Variants in VPS13B observed in about 807,000 individuals in gnomAD.
VPS13B encodes the protein intermembrane lipid transfer protein VPS13B.
Under a neutral mutation model 426.4 loss-of-function variants are expected in VPS13B, and 285 were observed. The ratio of observed to expected loss-of-function variants is 0.67; its 90% CI spans 0.61 to 0.74. The LOEUF (loss-of-function observed/expected upper bound fraction) is 0.74, where lower values mean the gene tolerates loss of function less well. Ranked by LOEUF, VPS13B falls within the 30% of genes least tolerant of loss-of-function variation. The probability of loss-of-function intolerance (pLI) is 0.00; values close to 1 mark genes in which losing one functional copy is unlikely to be tolerated. For synonymous variants in VPS13B, 1,676 were observed against 1,676.4 expected (o/e 1.00, Z 0.01); for missense variants, 4,537 against 4,782.6 (o/e 0.95, Z 1.51).
chr8:99,859,910 G>A (rs1469100394), intron 57 of VPS13B, among the ~76,000 whole-genome samples: 2 of 152,168 alleles, frequency 1.3e-5, no homozygotes, highest in African/African-American at 2.4e-5. Flanking sequence ...AAGCGGATTT[G>A]GGGGTGAAAC....
At chr8:99,432,909 A>G (rs905105834) in intron 22 of VPS13B, among the ~76,000 whole-genome samples, 1 of 152,230 alleles carries the variant, frequency 6.6e-6, no homozygotes, top group Non-Finnish European at 1.5e-5. Context: ...ACCATACTGT[A>G]TTCAGAGAAC....
At position 99,305,527 on chromosome 8, in the gene VPS13B, G is replaced by A. The variant is rs188650943; in HGVS notation, c.2824+30273G>A. Among the ~76,000 whole-genome samples, 19 of 152,104 alleles carry A rather than the reference G, an allele frequency of 1.2e-4. No individual in the cohort carries two copies. In the East Asian group the frequency reaches 1.4e-3, roughly 11 times the overall value. ...AGACCCAATCCCCCAGATACTGAGG[G>A]ATTACTGTGTCTTTATTAAAGCACT... On this transcript the variant is annotated intron_variant, in intron 19 of 61. Coordinates refer to ENST00000357162, the MANE Select transcript of VPS13B (RefSeq NM_152564.5).
chr8:99,632,539 T>C (rs10282867), intron 33 of VPS13B, among the ~76,000 whole-genome samples: 1,955 of 152,124 alleles, frequency 0.013, 42 homozygotes, highest in African/African-American at 0.043. Flanking sequence ...ATTTAGAGAA[T>C]ACTTTGAATT....
At chr8:99,373,108 G>GA (rs1342996783) in intron 19 of VPS13B, among the ~76,000 whole-genome samples, 22 of 152,126 alleles carry the variant, frequency 1.4e-4, no homozygotes, top group Non-Finnish European at 2.9e-5. Context: ...AGTGGGAGTT[G>GA]AAAAATGAGA....
chr8:99,229,643 A>G (rs949403662), intron 17 of VPS13B, among the ~76,000 whole-genome samples: 3 of 152,158 alleles, frequency 2.0e-5, no homozygotes, highest in Non-Finnish European at 4.4e-5. Context: ...ATCTGATATA[A>G]AGGACCGTTA....
chr8:99,279,809 G>A lies in VPS13B; in HGVS notation c.2824+4555G>A, dbSNP rs563397265. 7.2e-5 allele frequency among the ~76,000 whole-genome samples: 11 copies of A among 151,842 alleles called. No individual in the cohort carries two copies. The East Asian group carries it at 9.7e-4, about 13-fold the overall frequency. ...TTTTGATATGGAGTCTCGTACTGTC[G>A]CCCAGGCTGGAGTGCAGTGGCGCGA... is the stretch of plus-strand genomic sequence containing the variant. On this transcript the variant is annotated intron_variant, in intron 19 of 61. Coordinates refer to ENST00000357162, the MANE Select transcript of VPS13B (RefSeq NM_152564.5).
At position 99,331,736 on chromosome 8, in the gene VPS13B, A is replaced by T. The variant is rs144323160; in HGVS notation, c.2825-52472A>T. On this transcript the variant is annotated intron_variant, in intron 19 of 61. Coordinates refer to ENST00000357162, the MANE Select transcript of VPS13B (RefSeq NM_152564.5). Reference sequence around the variant, plus strand: ...GGTTTGGTGTAGGTTAAATTGTAAAATTTAAGGTTGGAAATGAAATCTGAA... The same window carrying T: ...GGTTTGGTGTAGGTTAAATTGTAAATTTTAAGGTTGGAAATGAAATCTGAA... Among the ~76,000 whole-genome samples the T allele has an allele frequency of 6.3e-3, 952 of 151,816 alleles. 8 individuals are homozygous for T. The highest frequency in any genetic ancestry group is 0.022 in the African/African-American group (894 of 41,504).
chr8:99,530,833 T>G (rs1339542606), intron 30 of VPS13B, among the ~76,000 whole-genome samples: 1 of 152,146 alleles, frequency 6.6e-6, no homozygotes, highest in Non-Finnish European at 1.5e-5. Context: ...TAGCTTCTCC[T>G]AGGCCACACG....
intron 19 of VPS13B, chr8:99,346,387 A>G (rs1811541303): frequency 6.6e-6 from 1 of 152,186 alleles, no homozygotes; most frequent in Non-Finnish European, 1.5e-5. Flanking sequence ...ATATGCTCCC[A>G]GCTTGCCATG....
At chr8:99,334,840 C>T (rs1205909039) in intron 19 of VPS13B, among the ~76,000 whole-genome samples, 4 of 152,034 alleles carry the variant, frequency 2.6e-5, no homozygotes, top group Non-Finnish European at 5.9e-5. Context: ...GTGTCTCTGC[C>T]CTGCTTTGGT....
chr8:99,862,796 G>C (rs1275751899), intron 58 of VPS13B, among the ~76,000 whole-genome samples: 1 of 152,196 alleles, frequency 6.6e-6, no homozygotes, highest in Non-Finnish European at 1.5e-5. Context: ...GGCAACTGCA[G>C]CTAGCTGAGG....
At chr8:99,759,789 C>G (rs1301131514) in intron 39 of VPS13B, among the ~76,000 whole-genome samples, 1 of 151,992 alleles carries the variant, frequency 6.6e-6, no homozygotes, top group Non-Finnish European at 1.5e-5. Context: ...TGGCACTTCC[C>G]TCTCACTTCT....
intron 25 of VPS13B, among the ~76,000 whole-genome samples, chr8:99,492,618 C>G (rs1056310739): frequency 1.3e-5 from 2 of 152,212 alleles, no homozygotes; most frequent in Non-Finnish European, 2.9e-5. Flanking sequence ...GCAGGTTGAT[C>G]TCAGACTGCT....
At chr8:99,511,631 G>A (rs943622799) in intron 29 of VPS13B, 119 bp downstream of exon 29, 3 of 1,042,268 alleles carry the variant, frequency 2.9e-6, no homozygotes, top group African/African-American at 3.3e-5. Context: ...TTTGTGGTTT[G>A]GTATATTTTA....
chr8:99,563,476 T>G (rs1563798526), intron 31 of VPS13B, among the ~76,000 whole-genome samples: 1 of 152,090 alleles, frequency 6.6e-6, no homozygotes, highest in Admixed American at 6.5e-5. Context: ...GATAAATTAA[T>G]GCAAAGTTCA....
intron 5 of VPS13B, among the ~76,000 whole-genome samples, chr8:99,108,715 C>T (rs1353763035): frequency 2.0e-5 from 3 of 151,952 alleles, no homozygotes; most frequent in African/African-American, 4.8e-5. Context: ...GAGTATGATG[C>T]CTCTAGCTGT....
chr8:99,821,570 C>A, intron 50 of VPS13B, 88 bp downstream of exon 50: 1 of 1,455,426 alleles, frequency 6.9e-7, no homozygotes, highest in South Asian at 1.2e-5. Context: ...CTTTTTGATA[C>A]CTTTTTCATA....
At chr8:99,292,977 A>C (rs1052317080) in intron 19 of VPS13B, among the ~76,000 whole-genome samples, 1 of 152,140 alleles carries the variant, frequency 6.6e-6, no homozygotes, top group African/African-American at 2.4e-5. Flanking sequence ...AGTGAAGACT[A>C]TACTTTCAGG....
chr8:99,216,522 A>C (rs1462312208), intron 17 of VPS13B, among the ~76,000 whole-genome samples: 1 of 151,970 alleles, frequency 6.6e-6, no homozygotes, highest in Non-Finnish European at 1.5e-5. Flanking sequence ...GAATGAATGT[A>C]AAATTTGGGT....
Sources: gnomAD v4.1 joint callset for allele counts (sites outside exome capture counted in the v4.1 genomes callset) on GRCh38, gnomAD v4.1.1 for gene constraint, MANE v1.5 for transcripts, NCBI Gene and HGNC (gene_info 2026-07-23, HGNC 2026-07-21) for gene names.